Variants in EIF2AK3 observed in about 807,000 individuals in gnomAD.
The protein encoded by EIF2AK3 is eukaryotic translation initiation factor 2-alpha kinase 3.
In EIF2AK3, 50 loss-of-function variants were observed where a neutral mutation model predicts 113.5. The ratio of observed to expected loss-of-function variants is 0.44; its 90% CI spans 0.35 to 0.56. EIF2AK3 has a LOEUF of 0.56. Among genes scored for constraint, EIF2AK3 ranks in the 20% least tolerant of loss-of-function variants. The pLI is 0.00. For missense variants in EIF2AK3, 1,185 were observed against 1,378.0 expected (o/e 0.86, Z 2.22); for synonymous variants, 448 against 495.4 (o/e 0.90, Z 1.27).
intron 14 of EIF2AK3, among the ~76,000 whole-genome samples, chr2:88,565,806 TA>T (rs1674101721): frequency 6.6e-6 from 1 of 152,208 alleles, no homozygotes; most frequent in South Asian, 2.1e-4. Context: ...TATGTATTTA[TA>T]GTATTTTGAT....
chr2:88,560,113 A>G (rs753049238), intron 15 of EIF2AK3, among the ~76,000 whole-genome samples: 2 of 152,004 alleles, frequency 1.3e-5, no homozygotes, highest in Non-Finnish European at 2.9e-5. Flanking sequence ...CCAACACTTG[A>G]CATTTCCTTT....
intron 13 of EIF2AK3, 131 bp downstream of exon 13, chr2:88,574,535 T>C: frequency 8.4e-7 from 1 of 1,189,258 alleles, no homozygotes; most frequent in Non-Finnish European, 1.2e-6. Flanking sequence ...GAGGCTACTT[T>C]CTCAGACCTC....
At chr2:88,606,800 G>T (rs936016507) in intron 2 of EIF2AK3, among the ~76,000 whole-genome samples, 1 of 152,130 alleles carries the variant, frequency 6.6e-6, no homozygotes, top group Non-Finnish European at 1.5e-5. Context: ...ATATGGGGAG[G>T]GGGAGGAGGC....
At chr2:88,608,009 A>T (rs2104461652) in intron 2 of EIF2AK3, among the ~76,000 whole-genome samples, 1 of 152,302 alleles carries the variant, frequency 6.6e-6, no homozygotes, top group East Asian at 1.9e-4. Context: ...ACTAAAACTG[A>T]AGCTCCTGAA....
At chr2:88,566,438 C>G (rs1237203603) in intron 14 of EIF2AK3, among the ~76,000 whole-genome samples, 1 of 152,174 alleles carries the variant, frequency 6.6e-6, no homozygotes, top group African/African-American at 2.4e-5. Flanking sequence ...AGCCACAGTG[C>G]CCAGCTTCTT....
Position 88,585,753 on chromosome 2 carries a change from T to C in EIF2AK3, c.1650+88A>G, listed in dbSNP as rs1674706918. On this transcript the variant is annotated intron_variant, in intron 9 of 16. Transcript: ENST00000303236. ...GGCAAGAGTAGCTTTGGTGGAGCAGTAGGGATGGAAGCCAGACTGTGATGG... is the reference window on the plus strand; with the variant it reads ...GGCAAGAGTAGCTTTGGTGGAGCAGCAGGGATGGAAGCCAGACTGTGATGG... 3.9e-6 allele frequency: 5 copies of C among 1,292,600 alleles called. No individual in the cohort carries two copies. In the South Asian group the frequency reaches 6.9e-5, roughly 18 times the overall value. The allele number at this position is 1,292,600 out of a possible 1,614,324, so 80.1% of individuals were successfully genotyped here.
At chr2:88,612,159 T>C (rs1675472762) in intron 2 of EIF2AK3, among the ~76,000 whole-genome samples, 2 of 152,218 alleles carry the variant, frequency 1.3e-5, no homozygotes, top group Admixed American at 1.3e-4. Flanking sequence ...TTACTAGCAC[T>C]CAGGTTATTA....
chr2:88,603,217 C>T (rs758462920), intron 2 of EIF2AK3, among the ~76,000 whole-genome samples: 1 of 152,186 alleles, frequency 6.6e-6, no homozygotes, highest in South Asian at 2.1e-4. Context: ...TATGTGACCT[C>T]GGATAAAAAC....
At chr2:88,577,838 T>G (rs988146749) in intron 11 of EIF2AK3, among the ~76,000 whole-genome samples, 5 of 152,196 alleles carry the variant, frequency 3.3e-5, no homozygotes, top group Non-Finnish European at 5.9e-5. Flanking sequence ...ACCTGTCTCC[T>G]ACTGAGGGAA....
intron 14 of EIF2AK3, among the ~76,000 whole-genome samples, chr2:88,566,031 A>AT (rs1674112136): frequency 6.6e-6 from 1 of 152,098 alleles, no homozygotes; most frequent in Non-Finnish European, 1.5e-5. Context: ...TTTATTTGTG[A>AT]TTTTCCCCCC....
intron 2 of EIF2AK3, among the ~76,000 whole-genome samples, chr2:88,607,673 A>C (rs886124320): frequency 6.6e-5 from 10 of 152,250 alleles, no homozygotes; most frequent in Non-Finnish European, 1.3e-4. Context: ...TAAAGCAACA[A>C]AATACACTAT....
At chr2:88,621,040 T>G (rs1168962345) in intron 1 of EIF2AK3, among the ~76,000 whole-genome samples, 1 of 152,236 alleles carries the variant, frequency 6.6e-6, no homozygotes, top group Non-Finnish European at 1.5e-5. Flanking sequence ...TACAAAATTT[T>G]GAACAGGAGC....
chr2:88,600,129 A>C (rs1675114985), intron 2 of EIF2AK3, among the ~76,000 whole-genome samples: 1 of 152,228 alleles, frequency 6.6e-6, no homozygotes, highest in Non-Finnish European at 1.5e-5. Flanking sequence ...ACTTTTAAAT[A>C]GCTGCTCTTC....
At chr2:88,576,063 A>G (rs1674449725) in intron 12 of EIF2AK3, among the ~76,000 whole-genome samples, 1 of 152,186 alleles carries the variant, frequency 6.6e-6, no homozygotes, top group South Asian at 2.1e-4. Flanking sequence ...TTAACTGCAA[A>G]TAGTTCAAAA....
At chr2:88,591,913 C>T (rs1674897098) in intron 4 of EIF2AK3, among the ~76,000 whole-genome samples, 2 of 152,046 alleles carry the variant, frequency 1.3e-5, no homozygotes, top group African/African-American at 4.8e-5. Flanking sequence ...AAAATCCAGT[C>T]AGGATAAAGA....
intron 2 of EIF2AK3, among the ~76,000 whole-genome samples, chr2:88,600,914 T>G (rs1675133333): frequency 6.6e-6 from 1 of 152,148 alleles, no homozygotes; most frequent in African/African-American, 2.4e-5. Context: ...CTTTTTGGAG[T>G]ACATTCAACT....
chr2:88,586,041 A>G lies in EIF2AK3; in HGVS notation c.1450T>C (p.Tyr484His), dbSNP rs1284650063. 2 of 1,613,984 alleles carry G rather than the reference A, an allele frequency of 1.2e-6. No individual in the cohort carries two copies. The highest frequency in any genetic ancestry group is 1.3e-5 in the African/African-American group (1 of 75,042). ...CGTTTGTTCCTCTCCCTCTTGTAGTATGGTAGATAATAACCATTATCTTCA... is the reference window on the plus strand; with the variant it reads ...CGTTTGTTCCTCTCCCTCTTGTAGTGTGGTAGATAATAACCATTATCTTCA... ...YPYDNGYYLP[Y>H]YKRERNKRST... The change falls in exon 9 of 17, where the codon TAC (tyrosine) becomes CAC (histidine). Residue 484 changes from tyrosine to histidine, a missense_variant. Physicochemically the swap from Tyr to His is moderately conservative, Grantham distance 83 (BLOSUM62 2). Around this residue, in one of 3 missense-constraint regions of EIF2AK3, gnomAD observed 877 missense variants for 1,024.2 expected, o/e 0.86. Coordinates refer to ENST00000303236, the MANE Select transcript of EIF2AK3 (RefSeq NM_004836.7).
intron 2 of EIF2AK3, among the ~76,000 whole-genome samples, chr2:88,606,409 G>C: frequency 6.6e-6 from 1 of 152,188 alleles, no homozygotes; most frequent in East Asian, 1.9e-4. Flanking sequence ...TTTCAGCCAT[G>C]CTAAGGGATT....
chr2:88,602,601 C>G (rs1367710526), intron 2 of EIF2AK3, among the ~76,000 whole-genome samples: 2 of 152,098 alleles, frequency 1.3e-5, no homozygotes. Context: ...GAGAGCATTT[C>G]TAGGATAATA....
Sources: gnomAD v4.1 joint callset for allele counts (sites outside exome capture counted in the v4.1 genomes callset) on GRCh38, gnomAD v4.1.1 for gene constraint, gnomAD v4.1.1 regional missense constraint, MANE v1.5 for transcripts, NCBI Gene and HGNC (gene_info 2026-07-23, HGNC 2026-07-21) for gene names.